ARHGAP19: variants seen among roughly 807,000 people sequenced by gnomAD.
ARHGAP19 encodes the protein Rho GTPase activating protein 19.
ARHGAP19 carries 48 observed loss-of-function variants against 60.9 expected under a neutral mutation model. That is an observed-to-expected ratio of 0.79 (90% CI 0.62 to 1.00). The LOEUF (loss-of-function observed/expected upper bound fraction) is 1.00, where lower values mean the gene tolerates loss of function less well. Among genes scored for constraint, ARHGAP19 ranks in the 50% least tolerant of loss-of-function variants. The probability of loss-of-function intolerance (pLI) is 0.00; values close to 1 mark genes in which losing one functional copy is unlikely to be tolerated. For synonymous variants in ARHGAP19, 209 were observed against 215.5 expected (o/e 0.97, Z 0.27); for missense variants, 562 against 597.2 (o/e 0.94, Z 0.61).
intron 4 of ARHGAP19, among the ~76,000 whole-genome samples, chr10:97,262,179 T>TA (rs397847442): frequency 1.5e-5 from 2 of 135,628 alleles, no homozygotes; most frequent in African/African-American, 5.5e-5. Context: ...GGCTTTCTTT[T>TA]AAAAAAAAAA....
Position 97,265,950 on chromosome 10 carries a change from G to C in ARHGAP19, c.232C>G (p.Gln78Glu), listed in dbSNP as rs759836595. ...TTAAGGTCCACTTCCCCCATCAGCT[G>C]AGCCAACTCAGTTCCAGGTAAATCG... The part of the protein sequence containing the change: ...LIDLPGTELA[Q>E]LMGEVDLKLP... Residue 78 changes from glutamine (Q) to glutamate (E), a missense_variant, in exon 2 of 12, where the codon CAG becomes GAG. Transcript: ENST00000358531. 3.9e-5 allele frequency: 63 copies of C among 1,614,002 alleles called. No individual in the cohort carries two copies. Among genetic ancestry groups the C allele is most frequent in the Non-Finnish European group, 5.3e-5 (63 of 1,180,044 alleles).
At chr10:97,274,041 TAAAC>T (rs1842993958) in intron 1 of ARHGAP19, among the ~76,000 whole-genome samples, 2 of 151,908 alleles carry the variant, frequency 1.3e-5, no homozygotes, top group South Asian at 4.2e-4. Context: ...ATTTTAAAAA[TAAAC>T]GAAACTAGTA....
At chr10:97,286,006 C>T (rs1315290737) in intron 1 of ARHGAP19, among the ~76,000 whole-genome samples, 1 of 152,110 alleles carries the variant, frequency 6.6e-6, no homozygotes, top group East Asian at 1.9e-4. Flanking sequence ...TTCTTCCTTC[C>T]CCTCCTTCCA....
At chr10:97,283,044 T>C (rs1255214778) in intron 1 of ARHGAP19, among the ~76,000 whole-genome samples, 1 of 151,234 alleles carries the variant, frequency 6.6e-6, no homozygotes, top group Admixed American at 6.6e-5. Context: ...GGTTTCACCA[T>C]ATTGGCCAGG....
chr10:97,233,140 C>T (rs568947402), intron 9 of ARHGAP19, among the ~76,000 whole-genome samples: 1 of 151,330 alleles, frequency 6.6e-6, no homozygotes, highest in East Asian at 1.9e-4. Flanking sequence ...TAGAGCGAGA[C>T]TGTCTCAAAA....
At chr10:97,226,217 A>G (rs1454872191) in intron 11 of ARHGAP19, 85 bp from the exon 12 acceptor site, 37 of 1,378,766 alleles carry the variant, frequency 2.7e-5, no homozygotes, top group Non-Finnish European at 9.1e-6. Flanking sequence ...TACAGGGTCT[A>G]CACTTAATAT....
At chr10:97,231,640 CTTTCCTT>C (rs1452315264) in intron 9 of ARHGAP19, among the ~76,000 whole-genome samples, 2 of 152,300 alleles carry the variant, frequency 1.3e-5, no homozygotes, top group East Asian at 3.9e-4. Flanking sequence ...GTCAGAATTT[CTTTCCTT>C]TTTAAGGACA....
Position 97,245,533 on chromosome 10 carries a change from A to G in ARHGAP19, c.993+739T>C, listed in dbSNP as rs186706589. On this transcript the variant is annotated intron_variant, in intron 7 of 11. Transcript: ENST00000358531. The stretch of plus-strand genomic sequence containing the variant: ...GCTACTCAGGAGGCTGAGGTGAGAG[A>G]ACCAGGGAGCCAAGATCATGCCACT... Among the ~76,000 whole-genome samples the G allele has an allele frequency of 2.6e-3, 391 of 151,022 alleles. 1 individual carries two copies. The highest frequency in any genetic ancestry group is 8.4e-3 in the African/African-American group (345 of 41,132).
chr10:97,231,105 G>A (rs1253406), intron 9 of ARHGAP19, among the ~76,000 whole-genome samples: 124,795 of 138,678 alleles, frequency 0.9, 56,801 homozygotes, highest in Non-Finnish European at 0.97. Context: ...ACACATAGAG[G>A]AACATTTATC....
intron 1 of ARHGAP19, among the ~76,000 whole-genome samples, chr10:97,281,649 CCTCCAGGAA>C (rs1208233789): frequency 6.6e-6 from 1 of 152,118 alleles, no homozygotes; most frequent in Non-Finnish European, 1.5e-5. Context: ...AAGTCTCTGG[CCTCCAGGAA>C]CTGAAAATTC....
chr10:97,231,660 T>C (rs1305004605), intron 9 of ARHGAP19, among the ~76,000 whole-genome samples: 2 of 152,212 alleles, frequency 1.3e-5, no homozygotes, highest in Non-Finnish European at 2.9e-5. Context: ...TAAGGACAAA[T>C]AATGTTCCAT....
intron 3 of ARHGAP19, among the ~76,000 whole-genome samples, chr10:97,264,447 T>A (rs1842872036): frequency 1.7e-5 from 1 of 58,342 alleles, no homozygotes; most frequent in Non-Finnish European, 4.3e-5. Context: ...AACGAGACCT[T>A]GTCTCAAAAA....
chr10:97,272,746 T>G (rs1842975891), intron 1 of ARHGAP19, among the ~76,000 whole-genome samples: 1 of 152,194 alleles, frequency 6.6e-6, no homozygotes, highest in African/African-American at 2.4e-5. Flanking sequence ...GTCCTCCTCT[T>G]TGTTCCTGAT....
intron 6 of ARHGAP19, among the ~76,000 whole-genome samples, chr10:97,251,370 GGGGAATGGAA>G (rs2134857053): frequency 5.1e-5 from 1 of 19,696 alleles, no homozygotes; most frequent in Non-Finnish European, 1.1e-4. Flanking sequence ...GGGAAAGGAA[GGGGAATGGAA>G]GGGAAGGGGA....
rs201308961 is a variant in ARHGAP19, at chr10:97,239,551, G to GGTGTGT, written c.1186-4242_1186-4237dup. Among the ~76,000 whole-genome samples, 94 of 20,280 alleles carry GGTGTGT rather than the reference G, an allele frequency of 4.6e-3. 1 individual carries two copies. Among genetic ancestry groups the GGTGTGT allele is most frequent in the African/African-American group, 6.5e-3 (92 of 14,262 alleles). 13.3% of individuals were successfully genotyped at this position (20,280 alleles called of 152,430 possible). ...AAGGGAGTGAGAGAGAGAGAGAGAG[G>GGTGTGT]GTGTGTGTGTGTGTGTGTGTGTGTG... On this transcript the variant is annotated intron_variant, in intron 8 of 11. Transcript: ENST00000358531.
At chr10:97,262,977 G>A (rs72835327) in intron 4 of ARHGAP19, among the ~76,000 whole-genome samples, 3,181 of 152,118 alleles carry the variant, frequency 0.021, 52 homozygotes, top group East Asian at 0.1. Flanking sequence ...GCCAGGCGTG[G>A]TGCCGCACAC....
intron 6 of ARHGAP19, among the ~76,000 whole-genome samples, chr10:97,247,534 C>T (rs2487274): frequency 0.87 from 132,406 of 152,154 alleles, 58,937 homozygotes; most frequent in Non-Finnish European, 0.97. Flanking sequence ...AAAACACACT[C>T]GTATAAGATT....
chr10:97,237,895 AC>A (rs535409429), intron 8 of ARHGAP19, among the ~76,000 whole-genome samples: 41 of 152,170 alleles, frequency 2.7e-4, no homozygotes, highest in Admixed American at 2.7e-3. Context: ...AAACAAAAAA[AC>A]AAAACAACAA....
rs538601907 is a variant in ARHGAP19, at chr10:97,249,144, C to T, written c.928-2807G>A. 7.3e-4 allele frequency among the ~76,000 whole-genome samples: 111 copies of T among 152,230 alleles called. 1 individual carries two copies. In the Middle Eastern group the frequency reaches 0.027, roughly 37 times the overall value. On this transcript the variant is annotated intron_variant, in intron 6 of 11. Coordinates refer to ENST00000358531, the MANE Select transcript of ARHGAP19 (RefSeq NM_032900.6). Reference sequence around the variant, plus strand: ...GAGAATGAGACAAAGAAAAGCTATTCTCCAAAGAAGAAACTCAGCTTATAA... The same window carrying T: ...GAGAATGAGACAAAGAAAAGCTATTTTCCAAAGAAGAAACTCAGCTTATAA...
Sources: gnomAD v4.1 joint callset for allele counts (sites outside exome capture counted in the v4.1 genomes callset) on GRCh38, gnomAD v4.1.1 for gene constraint, MANE v1.5 for transcripts, NCBI Gene and HGNC (gene_info 2026-07-23, HGNC 2026-07-21) for gene names.